Variants in ATP23 observed in about 807,000 individuals in gnomAD.
ATP23 encodes the protein ATP23 metallopeptidase and ATP synthase assembly factor homolog.
A neutral mutation model predicts 28.5 loss-of-function variants in ATP23; 24 were observed. That is an observed-to-expected ratio of 0.84 (90% confidence interval 0.61 to 1.18). The LOEUF (loss-of-function observed/expected upper bound fraction) is 1.18, where lower values mean the gene tolerates loss of function less well. Ranked by LOEUF, ATP23 falls within the 50% of genes most tolerant of loss-of-function variation. ATP23 has a pLI of 0.00. For missense variants in ATP23, 274 were observed against 306.4 expected, an observed-to-expected ratio of 0.89 and a Z score of 0.79; for synonymous variants, 99 against 108.6, an observed-to-expected ratio of 0.91 and a Z score of 0.55.
At position 57,945,512 on chromosome 12, in the gene ATP23, A is replaced by G. The variant is rs112277383; in HGVS notation, c.188-116A>G. ...CTCCTAAAGTGCTGGGATTACAGGC[A>G]TGAGCCACTGCATCTGGCCTGTGAG... On this transcript the variant is annotated intron_variant, in intron 1 of 5. Transcript: ENST00000300145. 1,559 of 830,660 alleles carry G rather than the reference A, an allele frequency of 1.9e-3. 15 individuals carry two copies. The African/African-American group carries it at 0.023, about 12-fold the overall frequency. 51.5% of individuals were successfully genotyped at this position (830,660 alleles called of 1,614,324 possible).
In ATP23 at chr12:57,958,438, A is replaced by G. The variant is rs573839615; in HGVS notation, c.*1548A>G. The stretch of plus-strand genomic sequence containing the variant: ...GCAGGAGGCCAGCCAGCACAAAAAT[A>G]GAGCCTTCAACCACCAAAGCTAAGA... On this transcript the variant is annotated 3_prime_UTR_variant, in exon 6 of 6. Coordinates refer to ENST00000300145, the MANE Select transcript of ATP23 (RefSeq NM_033276.4). 1.3e-5 allele frequency among the ~76,000 whole-genome samples: 2 copies of G among 152,326 alleles called. No homozygotes were observed. The highest frequency in any genetic ancestry group is 4.1e-4 in the South Asian group (2 of 4,822).
intron 3 of ATP23, among the ~76,000 whole-genome samples, chr12:57,950,459 A>G (rs1228642533): frequency 2.0e-5 from 3 of 151,720 alleles, no homozygotes; most frequent in Admixed American, 6.6e-5. Flanking sequence ...ATTAGATACC[A>G]GTTTAACCAT....
rs1956892743 is a variant in ATP23 at position 57,958,863 on chromosome 12, A to C, written c.*1973A>C. On this transcript the variant is annotated 3_prime_UTR_variant, in exon 6 of 6. Transcript: ENST00000300145. ...CACAAAAAAATCACACTAGTTCACC[A>C]GCAATGGATTCAAACCAAGAAGAAA... is the stretch of plus-strand genomic sequence containing the variant. 6.6e-6 allele frequency among the ~76,000 whole-genome samples: 1 copy of C among 152,234 alleles called. No individual in the cohort carries two copies. Among genetic ancestry groups the C allele is most frequent in the African/African-American group, 2.4e-5 (1 of 41,472 alleles).
intron 2 of ATP23, 70 bp from the exon 3 acceptor site, chr12:57,946,925 A>G (rs1956767249): frequency 1.0e-5 from 14 of 1,382,708 alleles, no homozygotes; most frequent in Non-Finnish European, 1.3e-5. Flanking sequence ...GGGTCTCCTG[A>G]GCCCTGGCCC....
Position 57,957,908 on chromosome 12 carries a change from C to T in ATP23, c.*1018C>T, listed in dbSNP as rs1956883706. Among the ~76,000 whole-genome samples, 1 of 152,198 alleles carries T rather than the reference C, an allele frequency of 6.6e-6. No individual in the cohort carries two copies. The highest frequency in any genetic ancestry group is 2.4e-5 in the African/African-American group (1 of 41,448). ...CCCGGCCAGAACTTGGGAGAGGGCACAAATCCCATGTGCAGAATCCACAGA... is the reference window on the plus strand; with the variant it reads ...CCCGGCCAGAACTTGGGAGAGGGCATAAATCCCATGTGCAGAATCCACAGA... On this transcript the variant is annotated 3_prime_UTR_variant, in exon 6 of 6. Transcript: ENST00000300145.
intron 2 of ATP23, 71 bp downstream of exon 2, chr12:57,945,744 A>G (rs1170973049): frequency 2.2e-6 from 3 of 1,388,672 alleles, no homozygotes; most frequent in Admixed American, 1.7e-5. Flanking sequence ...TCTCTTCTTA[A>G]GAGAACTGCT....
chr12:57,956,903 T>C lies in ATP23; in HGVS notation c.*13T>C. 6.3e-7 allele frequency: 1 copy of C among 1,582,746 alleles called. No homozygotes were observed. Among genetic ancestry groups the C allele is most frequent in the Non-Finnish European group, 8.6e-7 (1 of 1,168,250 alleles). ...TTCAAATATATGAGCACAATGACATTTTTATATTACAGAGCTTCCATCATC... is the reference window on the plus strand; with the variant it reads ...TTCAAATATATGAGCACAATGACATCTTTATATTACAGAGCTTCCATCATC... On this transcript the variant is annotated 3_prime_UTR_variant, in exon 6 of 6. Coordinates refer to ENST00000300145, the MANE Select transcript of ATP23 (RefSeq NM_033276.4).
Position 57,953,597 on chromosome 12 carries a change from G to A in ATP23, c.454-9G>A, listed in dbSNP as rs772093628. 3 of 1,612,910 alleles carry A rather than the reference G, an allele frequency of 1.9e-6. No individual in the cohort carries two copies. Among genetic ancestry groups the A allele is most frequent in the Non-Finnish European group, 2.5e-6 (3 of 1,179,270 alleles). ...GTTTATTTCTTTTTATTTGTCTTCT[G>A]TGTGATAGGTTCGAGCTGCTAACCT... On this transcript the variant is annotated splice_polypyrimidine_tract_variant and intron_variant, in intron 4 of 5. Coordinates refer to ENST00000300145, the MANE Select transcript of ATP23 (RefSeq NM_033276.4).
At chr12:57,947,910 C>T (rs1008800787) in intron 3 of ATP23, among the ~76,000 whole-genome samples, 4 of 152,174 alleles carry the variant, frequency 2.6e-5, no homozygotes, top group African/African-American at 9.7e-5. Flanking sequence ...TACTTAACTA[C>T]ACTTAACTGT....
chr12:57,942,417 C>T (rs544452459), intron 1 of ATP23, among the ~76,000 whole-genome samples: 1 of 146,726 alleles, frequency 6.8e-6, no homozygotes, highest in South Asian at 2.2e-4. Context: ...GTGTGTGCCC[C>T]TAAGTGCATT....
chr12:57,947,885 T>G (rs1430319986), intron 3 of ATP23, among the ~76,000 whole-genome samples: 1 of 152,230 alleles, frequency 6.6e-6, no homozygotes, highest in African/African-American at 2.4e-5. Context: ...GTTTCCCACT[T>G]GAATGTATAA....
In ATP23 at chr12:57,953,279, G is replaced by T. The variant is rs1956831885; in HGVS notation, c.454-327G>T. Among the ~76,000 whole-genome samples the T allele has an allele frequency of 3.3e-5, 5 of 152,136 alleles. No individual in the cohort carries two copies. The South Asian group carries it at 1.0e-3, about 32-fold the overall frequency. ...TGTAGAGTGTGTAGTTTAACTCTGA[G>T]GTCTAGCTCTCTGACTTTTGGTTCC... On this transcript the variant is annotated intron_variant, in intron 4 of 5. Transcript: ENST00000300145.
chr12:57,954,738 A>G (rs1956849265), intron 5 of ATP23, among the ~76,000 whole-genome samples: 1 of 152,218 alleles, frequency 6.6e-6, no homozygotes, highest in Non-Finnish European at 1.5e-5. Flanking sequence ...GCATCACGAT[A>G]TCAGTTCCAA....
At chr12:57,941,938 C>A (rs774656265) in intron 1 of ATP23, 50 bp downstream of exon 1, 12 of 1,585,686 alleles carry the variant, frequency 7.6e-6, no homozygotes, top group Non-Finnish European at 9.4e-6. Context: ...GGTCTGAGAC[C>A]GGGTGGGCGA....
chr12:57,951,545 G>A (rs756656840), intron 3 of ATP23, among the ~76,000 whole-genome samples: 1 of 152,184 alleles, frequency 6.6e-6, no homozygotes. Context: ...GGAGAAGGGA[G>A]AAGTTAGTCA....
chr12:57,956,029 T>G (rs1956863024), intron 5 of ATP23, among the ~76,000 whole-genome samples: 1 of 152,252 alleles, frequency 6.6e-6, no homozygotes, highest in Non-Finnish European at 1.5e-5. Flanking sequence ...TTATATTTCT[T>G]AAATATTTAA....
chr12:57,941,979 C>T, intron 1 of ATP23, 91 bp downstream of exon 1: 1 of 1,493,228 alleles, frequency 6.7e-7, no homozygotes, highest in Non-Finnish European at 9.0e-7. Context: ...TGGCCAGGGG[C>T]TTCAGGTTCA....
At chr12:57,946,748 G>C (rs1157669415) in intron 2 of ATP23, among the ~76,000 whole-genome samples, 1 of 152,038 alleles carries the variant, frequency 6.6e-6, no homozygotes, top group Admixed American at 6.5e-5. Context: ...GAGCCACCGC[G>C]CCTGGGGGAC....
rs1956888806 is a variant in ATP23 at position 57,958,429 on chromosome 12, C to A, written c.*1539C>A. Among the ~76,000 whole-genome samples, 2 of 152,160 alleles carry A rather than the reference C, an allele frequency of 1.3e-5. No individual in the cohort carries two copies. Among genetic ancestry groups the A allele is most frequent in the Admixed American group, 1.3e-4 (2 of 15,278 alleles). On this transcript the variant is annotated 3_prime_UTR_variant, in exon 6 of 6. Coordinates refer to ENST00000300145, the MANE Select transcript of ATP23 (RefSeq NM_033276.4). ...TACCTCCTGGCAGGAGGCCAGCCAGCACAAAAATAGAGCCTTCAACCACCA... is the reference window on the plus strand; with the variant it reads ...TACCTCCTGGCAGGAGGCCAGCCAGAACAAAAATAGAGCCTTCAACCACCA...
Sources: allele counts gnomAD v4.1 joint callset (sites outside exome capture counted in the v4.1 genomes callset), GRCh38; gene constraint gnomAD v4.1.1; transcripts MANE v1.5; gene names NCBI Gene and HGNC (gene_info 2026-07-23, HGNC 2026-07-21).